DIRAS2: variants seen among roughly 807,000 people sequenced by gnomAD.
DIRAS2 encodes the protein GTP-binding protein Di-Ras2.
DIRAS2 carries 5 observed loss-of-function variants against 13.9 expected under a neutral mutation model. The ratio of observed to expected loss-of-function variants is 0.36; its 90% confidence interval spans 0.19 to 0.76. The LOEUF (loss-of-function observed/expected upper bound fraction) is 0.76. Ranked by LOEUF, DIRAS2 falls within the 30% of genes least tolerant of loss-of-function variation. DIRAS2 has a pLI of 0.53. For synonymous variants in DIRAS2, 111 were observed against 105.4 expected (o/e 1.05, Z -0.33); for missense variants, 191 against 263.0 (o/e 0.73, Z 1.89).
intron 1 of DIRAS2, among the ~76,000 whole-genome samples, chr9:90,623,173 T>G (rs1383371497): frequency 6.6e-6 from 1 of 152,234 alleles, no homozygotes; most frequent in Non-Finnish European, 1.5e-5. Context: ...TTTGCTCATT[T>G]TAATCCTTTT....
intron 1 of DIRAS2, among the ~76,000 whole-genome samples, chr9:90,614,309 T>TGC (rs1491038048): frequency 2.2e-5 from 1 of 46,288 alleles, no homozygotes; most frequent in African/African-American, 9.7e-5. Flanking sequence ...CATCATAATG[T>TGC]GTGTGTGTGT....
intron 1 of DIRAS2, among the ~76,000 whole-genome samples, chr9:90,632,225 C>A (rs1250468432): frequency 6.6e-6 from 1 of 152,192 alleles, no homozygotes; most frequent in South Asian, 2.1e-4. Context: ...GTCTCCCTGA[C>A]AGTAACAGCT....
chr9:90,642,279 GACAA>G (rs938292370), intron 1 of DIRAS2, among the ~76,000 whole-genome samples: 12 of 152,202 alleles, frequency 7.9e-5, no homozygotes, highest in African/African-American at 2.9e-4. Flanking sequence ...TCTTTAAGAA[GACAA>G]ACAAAAGATT....
Position 90,628,522 on chromosome 9 carries a change from TACACAC to T in DIRAS2, c.-37+14224_-37+14229del, listed in dbSNP as rs71360439. Among the ~76,000 whole-genome samples the T allele has an allele frequency of 3.3e-3, 497 of 149,234 alleles. 1 individual carries two copies. Among genetic ancestry groups the T allele is most frequent in the East Asian group, 5.3e-3 (27 of 5,052 alleles). On this transcript the variant is annotated intron_variant, in intron 1 of 1. Coordinates refer to ENST00000375765, the MANE Select transcript of DIRAS2 (RefSeq NM_017594.5). ...GAAATGCAAAATAAAACAAAATTTA[TACACAC>T]ACACACACACACACACACACACACG...
chr9:90,618,374 G>C (rs780620593), intron 1 of DIRAS2, among the ~76,000 whole-genome samples: 4 of 152,114 alleles, frequency 2.6e-5, no homozygotes, highest in Non-Finnish European at 5.9e-5. Context: ...AAAAGAATAA[G>C]GGGAGCACCT....
At chr9:90,640,207 C>T (rs887005682) in intron 1 of DIRAS2, among the ~76,000 whole-genome samples, 2 of 152,180 alleles carry the variant, frequency 1.3e-5, no homozygotes, top group South Asian at 4.1e-4. Flanking sequence ...GCATATGACT[C>T]ACACATTTCA....
chr9:90,614,770 A>C (rs1413990564), intron 1 of DIRAS2, among the ~76,000 whole-genome samples: 1 of 152,228 alleles, frequency 6.6e-6, no homozygotes, highest in Non-Finnish European at 1.5e-5. Flanking sequence ...ATCAGGTATT[A>C]CCAGGATAGT....
chr9:90,639,581 G>C lies in DIRAS2; in HGVS notation c.-37+3171C>G, dbSNP rs879742417. ...AAGAATAAGGTTGAAGCAAACCCGG[G>C]GGGGCAGTACTTCTTGGGATAGAAG... On this transcript the variant is annotated intron_variant, in intron 1 of 1. Transcript: ENST00000375765. 1.1e-4 allele frequency among the ~76,000 whole-genome samples: 16 copies of C among 152,182 alleles called. 1 individual carries two copies. The highest frequency in any genetic ancestry group is 7.9e-4 in the Admixed American group (12 of 15,282).
chr9:90,623,390 G>T (rs140665798), intron 1 of DIRAS2, among the ~76,000 whole-genome samples: 2 of 151,928 alleles, frequency 1.3e-5, no homozygotes, highest in African/African-American at 2.4e-5. Flanking sequence ...TCTTGAACTT[G>T]GTTGAGCTAA....
In DIRAS2 at chr9:90,640,660, A is replaced by T. The variant is rs189411497; in HGVS notation, c.-37+2092T>A. On this transcript the variant is annotated intron_variant, in intron 1 of 1. Transcript: ENST00000375765. Reference sequence around the variant, plus strand: ...CTTATACCAGGTAGATAGACTGATGATAGATAGAGGCAATCCACCATATGA... The same window carrying T: ...CTTATACCAGGTAGATAGACTGATGTTAGATAGAGGCAATCCACCATATGA... Among the ~76,000 whole-genome samples, 5 of 152,366 alleles carry T rather than the reference A, an allele frequency of 3.3e-5. No individual in the cohort carries two copies. In the East Asian group the frequency reaches 9.7e-4, roughly 29 times the overall value.
chr9:90,620,251 C>T (rs1162022666), intron 1 of DIRAS2, among the ~76,000 whole-genome samples: 1 of 152,162 alleles, frequency 6.6e-6, no homozygotes, highest in African/African-American at 2.4e-5. Flanking sequence ...GCATATAGTC[C>T]ATTATCTACT....
intron 1 of DIRAS2, among the ~76,000 whole-genome samples, chr9:90,618,262 C>A (rs1322409166): frequency 6.6e-6 from 1 of 152,120 alleles, no homozygotes. Flanking sequence ...CAGAAATAAA[C>A]CCTCATATTT....
intron 1 of DIRAS2, among the ~76,000 whole-genome samples, chr9:90,627,564 G>C (rs984787375): frequency 3.3e-5 from 5 of 152,196 alleles, no homozygotes; most frequent in Admixed American, 6.5e-5. Flanking sequence ...TATGGAGTTT[G>C]GGTTTTGCGA....
rs961873889 is a variant in DIRAS2, at chr9:90,612,096, T to C, written c.*1132A>G. ...AACAGCTCTTAGAAGACACGTATAA[T>C]GGAACATGCAAGAGAATTTACTATT... On this transcript the variant is annotated 3_prime_UTR_variant, in exon 2 of 2. Coordinates refer to ENST00000375765, the MANE Select transcript of DIRAS2 (RefSeq NM_017594.5). The C allele has an allele frequency of 2.6e-5, 4 of 152,690 alleles. No homozygotes were observed. The highest frequency in any genetic ancestry group is 9.6e-5 in the African/African-American group (4 of 41,470). 9.5% of individuals were successfully genotyped at this position (152,690 alleles called of 1,614,324 possible). A position where few individuals can be genotyped will look rare whatever the true frequency, so the allele number is the denominator to read the frequency against.
chr9:90,621,645 G>GC (rs1328589353), intron 1 of DIRAS2, among the ~76,000 whole-genome samples: 1 of 152,122 alleles, frequency 6.6e-6, no homozygotes, highest in Non-Finnish European at 1.5e-5. Flanking sequence ...TCATTCAGGA[G>GC]CCCCCCAGTT....
chr9:90,636,388 C>T (rs952764520), intron 1 of DIRAS2, among the ~76,000 whole-genome samples: 5 of 151,960 alleles, frequency 3.3e-5, no homozygotes, highest in African/African-American at 1.2e-4. Flanking sequence ...TTATGGTGCC[C>T]GGCCCTGAAT....
chr9:90,631,673 C>T (rs1225832044), intron 1 of DIRAS2, among the ~76,000 whole-genome samples: 1 of 152,146 alleles, frequency 6.6e-6, no homozygotes, highest in Non-Finnish European at 1.5e-5. Context: ...ACTCTACTCA[C>T]TCAGTCAGTG....
Position 90,613,242 on chromosome 9 carries a change from A to G in DIRAS2, c.586T>C (p.Cys196Arg). Residue 196 changes from cysteine (C) to arginine (R), a missense_variant, in exon 2 of 2, where the codon TGC becomes CGC. By Grantham distance (180) the Cys-to-Arg change is radical (BLOSUM62 -3). Transcript: ENST00000375765. The surrounding 1 kb of genome is among the most constrained non-coding windows in gnomAD (Gnocchi z 5.6). ...AGGAAGGGCCTTCACATGATCACGCACTTGCCTTTGAGCTTCTCTTTCCTT... is the reference window on the plus strand; with the variant it reads ...AGGAAGGGCCTTCACATGATCACGCGCTTGCCTTTGAGCTTCTCTTTCCTT... ...QKRKEKLKGK[C>R]VIM 6.2e-7 allele frequency: 1 copy of G among 1,613,194 alleles called. No homozygotes were observed. Among genetic ancestry groups the G allele is most frequent in the Non-Finnish European group, 8.5e-7 (1 of 1,179,670 alleles).
intron 1 of DIRAS2, among the ~76,000 whole-genome samples, chr9:90,619,743 C>T (rs751883888): frequency 6.6e-6 from 1 of 152,076 alleles, no homozygotes; most frequent in Non-Finnish European, 1.5e-5. Context: ...AAAATTTATA[C>T]AATGATACTC....
Sources: allele counts gnomAD v4.1 joint callset (sites outside exome capture counted in the v4.1 genomes callset), GRCh38; gene constraint gnomAD v4.1.1; non-coding constraint Gnocchi (gnomAD v3.1); transcripts MANE v1.5; gene names NCBI Gene and HGNC (gene_info 2026-07-23, HGNC 2026-07-21).